Variants in MROH2B observed in about 807,000 individuals in gnomAD.
The protein encoded by MROH2B is maestro heat like repeat family member 2B.
A neutral mutation model predicts 208.6 loss-of-function variants in MROH2B; 177 were observed. That is an observed-to-expected ratio of 0.85 (90% CI 0.75 to 0.96). MROH2B has a LOEUF of 0.96. Ranked by LOEUF, MROH2B falls within the 40% of genes least tolerant of loss-of-function variation. MROH2B has a pLI of 0.00. For missense variants in MROH2B, 2,002 were observed against 1,878.7 expected, an observed-to-expected ratio of 1.07 and a Z score of -1.21; for synonymous variants, 728 against 659.0, an observed-to-expected ratio of 1.10 and a Z score of -1.60.
intron 29 of MROH2B, among the ~76,000 whole-genome samples, chr5:41,013,867 G>A (rs1394310223): frequency 6.6e-6 from 1 of 152,182 alleles, no homozygotes; most frequent in Admixed American, 6.5e-5. Flanking sequence ...AATTACTCAT[G>A]TCTCTGCTAC....
chr5:41,030,080 A>G (rs1050427649), intron 24 of MROH2B, among the ~76,000 whole-genome samples: 8 of 145,638 alleles, frequency 5.5e-5, no homozygotes, highest in Admixed American at 3.5e-4. Flanking sequence ...GTTAATGTCC[A>G]GAATAAATTA....
At chr5:41,048,241 TA>T in intron 16 of MROH2B, 82 bp downstream of exon 16, 1 of 1,448,768 alleles carries the variant, frequency 6.9e-7, no homozygotes, top group Non-Finnish European at 9.1e-7. Flanking sequence ...AAATGAGCAT[TA>T]ATGGCTTTAC....
chr5:41,040,893 C>A (rs1742926602), intron 19 of MROH2B, among the ~76,000 whole-genome samples: 2 of 152,074 alleles, frequency 1.3e-5, no homozygotes, highest in African/African-American at 4.8e-5. Flanking sequence ...TCTCGAACTC[C>A]TGACCTCGTG....
chr5:41,023,130 G>T (rs138216574), intron 24 of MROH2B, among the ~76,000 whole-genome samples: 3,273 of 152,158 alleles, frequency 0.022, 70 homozygotes, highest in East Asian at 0.064. Flanking sequence ...CTAAAAATCA[G>T]AGCGCTCTCC....
chr5:41,057,072 A>G (rs755837697), intron 9 of MROH2B, 37 bp downstream of exon 9: 30 of 1,602,458 alleles, frequency 1.9e-5, no homozygotes, highest in Non-Finnish European at 2.5e-5. Flanking sequence ...TCACTTGGGG[A>G]CATTTTTATT....
intron 21 of MROH2B, among the ~76,000 whole-genome samples, chr5:41,036,257 G>T (rs1742756262): frequency 6.6e-6 from 1 of 152,062 alleles, no homozygotes. Flanking sequence ...TTGAATCCCA[G>T]GGGCAGGTCT....
intron 6 of MROH2B, among the ~76,000 whole-genome samples, chr5:41,060,670 C>T (rs1743608760): frequency 6.6e-6 from 1 of 152,174 alleles, no homozygotes; most frequent in South Asian, 2.1e-4. Flanking sequence ...CCTCTCTGTG[C>T]ACCCTTGTCA....
chr5:41,028,228 C>T (rs572413281), intron 24 of MROH2B, among the ~76,000 whole-genome samples: 2 of 151,988 alleles, frequency 1.3e-5, no homozygotes, highest in African/African-American at 4.8e-5. Flanking sequence ...CATAATGAAA[C>T]AAATTGACCT....
intron 37 of MROH2B, 94 bp from the exon 38 acceptor site, chr5:41,000,927 G>C (rs1392986584): frequency 4.2e-5 from 57 of 1,353,520 alleles, no homozygotes; most frequent in Non-Finnish European, 5.6e-5. Context: ...TCCCGCTTCA[G>C]CAAAAGAAGG....
At chr5:41,025,511 A>C (rs1293841192) in intron 24 of MROH2B, among the ~76,000 whole-genome samples, 1 of 152,232 alleles carries the variant, frequency 6.6e-6, no homozygotes, top group Non-Finnish European at 1.5e-5. Context: ...TGAATAGACC[A>C]ATAAGAGGCT....
chr5:41,000,247 A>G lies in MROH2B; in HGVS notation c.4455T>C (p.Asp1485=). ...GTTTCACACAGAATTGCCTGTAGAA[A>G]TCCCTGGCCCTTGGTAGATCCTGAT... ...LLDQDLPRAR[D]FYRQFCVKLA... is the part of the protein sequence containing the mutation. Residue 1485 remains aspartate (D), a synonymous_variant, in exon 39 of 42, where the codon GAT becomes GAC. Coordinates refer to ENST00000399564, the MANE Select transcript of MROH2B (RefSeq NM_173489.5). 6.2e-7 allele frequency: 1 copy of G among 1,613,852 alleles called. No homozygotes were observed. Among genetic ancestry groups the G allele is most frequent in the Middle Eastern group, 1.6e-4 (1 of 6,062 alleles).
intron 20 of MROH2B, among the ~76,000 whole-genome samples, chr5:41,039,229 C>T (rs145167919): frequency 2.0e-5 from 3 of 152,142 alleles, no homozygotes; most frequent in East Asian, 1.9e-4. Flanking sequence ...ACATGCAGAG[C>T]GCATTTAGGA....
chr5:41,032,672 A>G (rs1385281590), intron 24 of MROH2B, 70 bp downstream of exon 24: 10 of 1,240,940 alleles, frequency 8.1e-6, no homozygotes, highest in African/African-American at 1.5e-5. Context: ...GCACTAACAG[A>G]TGTTAGTTGA....
intron 2 of MROH2B, among the ~76,000 whole-genome samples, chr5:41,068,323 G>A (rs1743873964): frequency 6.6e-6 from 1 of 152,144 alleles, no homozygotes; most frequent in African/African-American, 2.4e-5. Flanking sequence ...CTTGCTCCAT[G>A]TGCTTACTAT....
intron 11 of MROH2B, among the ~76,000 whole-genome samples, chr5:41,053,154 C>T (rs1743337788): frequency 6.6e-6 from 1 of 152,160 alleles, no homozygotes; most frequent in African/African-American, 2.4e-5. Flanking sequence ...TGAAAGATAA[C>T]AGACAACTGT....
rs181418273 is a variant in MROH2B, at chr5:41,037,476, A to G, written c.2214+1260T>C. 2.0e-5 allele frequency among the ~76,000 whole-genome samples: 3 copies of G among 152,278 alleles called. No individual in the cohort carries two copies. In the South Asian group the frequency reaches 6.2e-4, roughly 32 times the overall value. On this transcript the variant is annotated intron_variant, in intron 21 of 41. Transcript: ENST00000399564. ...GATTCATTAGGCATCTCTATTTTTG[A>G]CAGGCTCTCCAGGCAATTCTTATGC...
intron 3 of MROH2B, among the ~76,000 whole-genome samples, chr5:41,066,738 C>G (rs548060556): frequency 6.6e-6 from 1 of 152,062 alleles, no homozygotes; most frequent in Non-Finnish European, 1.5e-5. Flanking sequence ...TGTTGTCTAT[C>G]AGACAATCTA....
chr5:41,010,149 T>C (rs1403485534), intron 30 of MROH2B, 70 bp from the exon 31 acceptor site: 2 of 1,467,066 alleles, frequency 1.4e-6, no homozygotes, highest in Non-Finnish European at 1.9e-6. Flanking sequence ...TCAGAACAGG[T>C]ATCTGTCGTG....
intron 34 of MROH2B, among the ~76,000 whole-genome samples, chr5:41,006,032 CAAAAAA>C (rs5867531): frequency 7.7e-6 from 1 of 129,922 alleles, no homozygotes; most frequent in South Asian, 2.4e-4. Context: ...ATTCTGTCTC[CAAAAAA>C]AAAAAAAAGA....
Sources: allele counts gnomAD v4.1 joint callset (sites outside exome capture counted in the v4.1 genomes callset), GRCh38; gene constraint gnomAD v4.1.1; transcripts MANE v1.5; gene names NCBI Gene and HGNC (gene_info 2026-07-23, HGNC 2026-07-21).